The following FPGS variants were observed in gnomAD, a reference collection of about 807,000 sequenced individuals.
The protein encoded by FPGS is folylpolyglutamate synthase, mitochondrial.
Under a neutral mutation model 66.5 loss-of-function variants are expected in FPGS, and 53 were observed. The ratio of observed to expected loss-of-function variants is 0.80; its 90% CI spans 0.64 to 1.00. FPGS has a LOEUF of 1.00. Among genes scored for constraint, FPGS ranks in the 50% least tolerant of loss-of-function variants. The pLI, the probability that FPGS is intolerant of heterozygous loss-of-function variation, is 0.00. For synonymous variants in FPGS, 348 were observed against 350.9 expected, an observed-to-expected ratio of 0.99 and a Z score of 0.09; for missense variants, 702 against 807.7, an observed-to-expected ratio of 0.87 and a Z score of 1.59.
In FPGS at chr9:127,807,473, A is replaced by G. The variant is rs1374786320; in HGVS notation, c.632A>G (p.Asn211Ser). 2.5e-6 allele frequency: 4 copies of G among 1,613,992 alleles called. No homozygotes were observed. The highest frequency in any genetic ancestry group is 1.1e-5 in the South Asian group (1 of 91,082). Residue 211 changes from asparagine (N) to serine (S), a missense_variant, in exon 7 of 15, where the codon AAC becomes AGC. By Grantham distance (46) the Asn-to-Ser change is conservative. Coordinates refer to ENST00000373247, the MANE Select transcript of FPGS (RefSeq NM_004957.6). This position sits in a 1 kb window ranked among gnomAD's most constrained non-coding sequence, Gnocchi z 5.8. ...ATTGGCGGGGCTTATGACTGCACCA[A>G]CATCATCAGGTGAGCGCAGTTGCTT... ...VGIGGAYDCT[N>S]IIRKPVVCGV...
chr9:127,802,932 G>C lies in FPGS; in HGVS notation c.8G>C (p.Arg3Pro). The stretch of plus-strand genomic sequence containing the variant: ...GCCGGGGGCGCCGGGACTATGTCGC[G>C]GGCGCGGAGCCACCTGCGCGCCGCT... MSRARSHLRAALF... is the reference protein window; with the variant it reads MSPARSHLRAALF... The change falls in exon 1 of 15, where the codon CGG becomes CCG. Residue 3 changes from arginine (R) to proline (P), a missense_variant. Physicochemically the swap from Arg to Pro is moderately radical, Grantham distance 103. Transcript: ENST00000373247. The C allele has an allele frequency of 7.2e-7, 1 of 1,388,710 alleles. No homozygotes were observed. The highest frequency in any genetic ancestry group is 9.3e-7 in the Non-Finnish European group (1 of 1,077,460). 86.0% of individuals were successfully genotyped at this position (1,388,710 alleles called of 1,614,324 possible). A position where few individuals can be genotyped will look rare whatever the true frequency, so the allele number is the denominator to read the frequency against.
At chr9:127,804,029 C>A (rs1056446511) in intron 1 of FPGS, among the ~76,000 whole-genome samples, 1 of 152,214 alleles carries the variant, frequency 6.6e-6, no homozygotes, top group Non-Finnish European at 1.5e-5. Context: ...AAGGCTAGCC[C>A]GTTAGTCATG....
Position 127,809,838 on chromosome 9 carries a change from AGGGGCAGGGCTGGGGGTG to A in FPGS, c.1211+8_1211+25del. 1.3e-6 allele frequency: 1 copy of A among 787,158 alleles called. No individual in the cohort carries two copies. Among genetic ancestry groups the A allele is most frequent in the Non-Finnish European group, 1.8e-6 (1 of 565,364 alleles). The allele number at this position is 787,158 out of a possible 1,614,324, so 48.8% of individuals were successfully genotyped here. ...AGGGCCGCGAGAGGCCGAGCGGGTG[AGGGGCAGGGCTGGGGGTG>A]GGGCCGGGGCTGGCCCACGAGGAGG... On this transcript the variant is annotated splice_donor_5th_base_variant and intron_variant, in intron 12 of 14. Transcript: ENST00000373247.
chr9:127,805,967 G>A (rs1829791359), intron 4 of FPGS, among the ~76,000 whole-genome samples: 1 of 152,230 alleles, frequency 6.6e-6, no homozygotes, highest in Non-Finnish European at 1.5e-5. Context: ...ATTTCAAGCC[G>A]ATATGTTTTC....
rs1266536610 is a variant in FPGS, at chr9:127,813,753, G to A, written c.*149G>A. On this transcript the variant is annotated 3_prime_UTR_variant, in exon 15 of 15. Coordinates refer to ENST00000373247, the MANE Select transcript of FPGS (RefSeq NM_004957.6). ...GGCTTTGGGATGGGAGGCCGGGAGAGGATGTCTTTTTTAAGGCTCTGTGCC... is the reference window on the plus strand; with the variant it reads ...GGCTTTGGGATGGGAGGCCGGGAGAAGATGTCTTTTTTAAGGCTCTGTGCC... 1 of 1,310,466 alleles carries A rather than the reference G, an allele frequency of 7.6e-7. No homozygotes were observed. Among genetic ancestry groups the A allele is most frequent in the African/African-American group, 1.5e-5 (1 of 65,364 alleles). The allele number at this position is 1,310,466 out of a possible 1,614,324, so 81.2% of individuals were successfully genotyped here.
At position 127,807,541 on chromosome 9, in the gene FPGS, C is replaced by T. The variant is rs780904246; in HGVS notation, c.642-45C>T. On this transcript the variant is annotated intron_variant, in intron 7 of 14. Coordinates refer to ENST00000373247, the MANE Select transcript of FPGS (RefSeq NM_004957.6). This position sits in a 1 kb window ranked among gnomAD's most constrained non-coding sequence, Gnocchi z 5.8. ...CCAGGAGCACAGCCTCACCTGCCGC[C>T]TGGTGGCTCAGGGCAGGGCCTCATG... 18 of 1,611,946 alleles carry T rather than the reference C, an allele frequency of 1.1e-5. No individual in the cohort carries two copies. The highest frequency in any genetic ancestry group is 1.7e-4 in the Middle Eastern group (1 of 6,056).
chr9:127,810,686 A>G (rs990235109), intron 13 of FPGS, among the ~76,000 whole-genome samples: 2 of 152,144 alleles, frequency 1.3e-5, no homozygotes, highest in African/African-American at 2.4e-5. Context: ...AGTGACCTTC[A>G]GCAAGTCCCC....
At chr9:127,805,029 C>T (rs1829754882) in intron 4 of FPGS, among the ~76,000 whole-genome samples, 1 of 151,890 alleles carries the variant, frequency 6.6e-6, no homozygotes, top group Non-Finnish European at 1.5e-5. Context: ...GCTTGGATTA[C>T]AGGCACCTGC....
At position 127,807,871 on chromosome 9, in the gene FPGS, C is replaced by T. The variant is rs955546909; in HGVS notation, c.744+183C>T. 29 of 579,146 alleles carry T rather than the reference C, an allele frequency of 5.0e-5. No homozygotes were observed. Among genetic ancestry groups the T allele is most frequent in the Middle Eastern group, 4.5e-4 (1 of 2,240 alleles). 35.9% of individuals were successfully genotyped at this position (579,146 alleles called of 1,614,324 possible). ...TTGCAATCCCAGCATTTCAGGAGGT[C>T]GAGGTGAGAGGATCACCTGAGATCC... On this transcript the variant is annotated intron_variant, in intron 8 of 14. Coordinates refer to ENST00000373247, the MANE Select transcript of FPGS (RefSeq NM_004957.6). This position sits in a 1 kb window ranked among gnomAD's most constrained non-coding sequence, Gnocchi z 5.8.
In FPGS at chr9:127,810,188, CCT is replaced by C; in HGVS notation, c.1287+84_1287+85del. The C allele has an allele frequency of 5.1e-6, 6 of 1,173,634 alleles. 1 individual carries two copies. In the South Asian group the frequency reaches 7.8e-5, roughly 15 times the overall value. The allele number at this position is 1,173,634 out of a possible 1,614,324, so 72.7% of individuals were successfully genotyped here. ...GTGTGACCCTGGGGGGTGCCAATCC[CCT>C]CCCCCTTGAGTTGTATTGAGGATTA... On this transcript the variant is annotated intron_variant, in intron 13 of 14. Coordinates refer to ENST00000373247, the MANE Select transcript of FPGS (RefSeq NM_004957.6).
At chr9:127,809,966 A>T (rs1224407702) in intron 12 of FPGS, 65 bp from the exon 13 acceptor site, 29 of 1,493,776 alleles carry the variant, frequency 1.9e-5, no homozygotes, top group Non-Finnish European at 2.3e-5. Context: ...GTGGGCGGGG[A>T]CGGGATTGGT....
chr9:127,803,363 T>G (rs1829683741), intron 1 of FPGS: 1 of 1,138,216 alleles, frequency 8.8e-7, no homozygotes, highest in Non-Finnish European at 1.1e-6. Flanking sequence ...GGAGTTCCAG[T>G]GATCCCGGAG....
Position 127,807,829 on chromosome 9 carries a change from C to A in FPGS, c.744+141C>A. 1 of 615,342 alleles carries A rather than the reference C, an allele frequency of 1.6e-6. No individual in the cohort carries two copies. The highest frequency in any genetic ancestry group is 2.8e-6 in the Non-Finnish European group (1 of 354,500). The allele number at this position is 615,342 out of a possible 1,614,324, so 38.1% of individuals were successfully genotyped here. A position where few individuals can be genotyped will look rare whatever the true frequency, so the allele number is the denominator to read the frequency against. ...CATTGAAACGTGAGGGATGGCTGGG[C>A]ATGGTGGCTTATATGCTTGCAATCC... On this transcript the variant is annotated intron_variant, in intron 8 of 14. Transcript: ENST00000373247. This position sits in a 1 kb window ranked among gnomAD's most constrained non-coding sequence, Gnocchi z 5.8.
rs182955745 is a variant in FPGS at position 127,811,186 on chromosome 9, A to T, written c.1354+175A>T. Among the ~76,000 whole-genome samples the T allele has an allele frequency of 9.7e-4, 147 of 152,268 alleles. 2 individuals are homozygous for T. Among genetic ancestry groups the T allele is most frequent in the African/African-American group, 3.2e-3 (134 of 41,556 alleles). ...AGTATACTTTATTTAATTTTATTTTAAAAAATTTTTGGCTGGCCACGGTGG... is the reference window on the plus strand; with the variant it reads ...AGTATACTTTATTTAATTTTATTTTTAAAAATTTTTGGCTGGCCACGGTGG... On this transcript the variant is annotated intron_variant, in intron 14 of 14. Transcript: ENST00000373247.
chr9:127,808,985 TAA>T (rs1787011393), intron 11 of FPGS, 96 bp downstream of exon 11: 2 of 964,772 alleles, frequency 2.1e-6, no homozygotes, highest in East Asian at 5.3e-5. Flanking sequence ...GTTTGGGAGA[TAA>T]GAGACAATTT....
In FPGS at chr9:127,804,666, C is replaced by T; in HGVS notation, c.352C>T (p.Leu118Phe). Residue 118 changes from leucine (L) to phenylalanine (F), a missense_variant, in exon 4 of 15, where the codon CTC (leucine) becomes TTC (phenylalanine). Transcript: ENST00000373247. ...GSTCAFTECILRSYGLKTGFF... is the reference protein window; with the variant it reads ...GSTCAFTECIFRSYGLKTGFF... ...CACCTGTGCCTTCACGGAATGTATC[C>T]TCCGAAGCTATGGCCTGAAGACGGG... is the stretch of plus-strand genomic sequence containing the variant. 1.9e-6 allele frequency: 3 copies of T among 1,614,112 alleles called. No individual in the cohort carries two copies. Among genetic ancestry groups the T allele is most frequent in the Non-Finnish European group, 2.5e-6 (3 of 1,180,022 alleles).
At chr9:127,809,903 G>T in intron 12 of FPGS, 69 bp downstream of exon 12, 1 of 1,010,816 alleles carries the variant, frequency 9.9e-7, no homozygotes. Flanking sequence ...GGGGAAGGGC[G>T]GGGCGGGGTC....
chr9:127,810,244 G>A (rs1830019153), intron 13 of FPGS, 138 bp downstream of exon 13: 1 of 750,906 alleles, frequency 1.3e-6, no homozygotes, highest in Non-Finnish European at 2.2e-6. Context: ...TGCTGGTTCT[G>A]CCAGGTGCTG....
chr9:127,803,968 G>A (rs73614222), intron 1 of FPGS, among the ~76,000 whole-genome samples: 2,722 of 152,322 alleles, frequency 0.018, 78 homozygotes, highest in African/African-American at 0.061. Flanking sequence ...CCATTGGAGA[G>A]AATGAGGGCA....
Sources: gnomAD v4.1 joint callset for allele counts (sites outside exome capture counted in the v4.1 genomes callset) on GRCh38, gnomAD v4.1.1 for gene constraint, Gnocchi (gnomAD v3.1) non-coding constraint, MANE v1.5 for transcripts, NCBI Gene and HGNC (gene_info 2026-07-23, HGNC 2026-07-21) for gene names.